The following SEMA3E variants were observed in gnomAD, a reference collection of about 807,000 sequenced individuals.
The protein encoded by SEMA3E is semaphorin-3E.
Under a neutral mutation model 93.6 loss-of-function variants are expected in SEMA3E, and 49 were observed. The observed-to-expected ratio is 0.52, with a 90% CI of 0.42 to 0.66. The LOEUF is 0.66. Among genes scored for constraint, SEMA3E ranks in the 30% least tolerant of loss-of-function variants. The pLI is 0.00. For missense variants in SEMA3E, 906 were observed against 964.8 expected (o/e 0.94, Z 0.81); for synonymous variants, 363 against 330.7 (o/e 1.10, Z -1.06).
chr7:83,621,289 G>T (rs991820224), intron 1 of SEMA3E, among the ~76,000 whole-genome samples: 1 of 152,042 alleles, frequency 6.6e-6, no homozygotes, highest in African/African-American at 2.4e-5. Context: ...AGCTAACAAG[G>T]TATGTGAAGG....
At chr7:83,481,947 C>T (rs926408771) in intron 2 of SEMA3E, among the ~76,000 whole-genome samples, 3 of 151,984 alleles carry the variant, frequency 2.0e-5, no homozygotes, top group African/African-American at 7.2e-5. Flanking sequence ...TAGTTAATAC[C>T]CCAGCATTTC....
chr7:83,593,280 CTCTCTGTGTGTGTGTG>C (rs1464717327), intron 1 of SEMA3E, among the ~76,000 whole-genome samples: 10 of 109,196 alleles, frequency 9.2e-5, no homozygotes, highest in African/African-American at 3.9e-4. Context: ...CTCTCTCTCT[CTCTCTGTGTGTGTGTG>C]TGTGTGTGTG....
intron 1 of SEMA3E, among the ~76,000 whole-genome samples, chr7:83,513,265 G>A (rs190015607): frequency 1.3e-5 from 2 of 152,136 alleles, no homozygotes; most frequent in East Asian, 1.9e-4. Context: ...CAAGGCTGTG[G>A]CCTCTGCAAC....
chr7:83,620,577 A>G (rs901876712), intron 1 of SEMA3E, among the ~76,000 whole-genome samples: 1 of 152,186 alleles, frequency 6.6e-6, no homozygotes, highest in African/African-American at 2.4e-5. Context: ...TCCCTGATGA[A>G]TATGGATACA....
chr7:83,432,155 C>T (rs1303120421), intron 4 of SEMA3E, among the ~76,000 whole-genome samples: 2 of 152,114 alleles, frequency 1.3e-5, no homozygotes, highest in African/African-American at 4.8e-5. Flanking sequence ...ATATTCTCAG[C>T]TGAAGCCCTA....
chr7:83,628,586 C>T (rs10227129), intron 1 of SEMA3E, among the ~76,000 whole-genome samples: 2,491 of 151,470 alleles, frequency 0.016, 63 homozygotes, highest in African/African-American at 0.056. Flanking sequence ...GCCATTGATA[C>T]TTGTGTATGT....
intron 1 of SEMA3E, among the ~76,000 whole-genome samples, chr7:83,543,324 T>C (rs1791577820): frequency 6.6e-6 from 1 of 151,802 alleles, no homozygotes; most frequent in Non-Finnish European, 1.5e-5. Flanking sequence ...TAACATGTTG[T>C]TCCAAAAGCA....
rs1045081539 is a variant in SEMA3E, at chr7:83,448,473, C to T, written c.456+18009G>A. ...GCTACAGTGAGCTATGATTTTGCCA[C>T]TATATTGAAGTCTGGGCAACAGAGT... On this transcript the variant is annotated intron_variant, in intron 4 of 16. Coordinates refer to ENST00000643230, the MANE Select transcript of SEMA3E (RefSeq NM_012431.3). 7.2e-5 allele frequency among the ~76,000 whole-genome samples: 11 copies of T among 152,040 alleles called. No individual in the cohort carries two copies. In the East Asian group the frequency reaches 2.1e-3, roughly 29 times the overall value.
intron 4 of SEMA3E, among the ~76,000 whole-genome samples, chr7:83,443,915 TGATATA>T (rs1789172194): frequency 3.1e-5 from 1 of 32,170 alleles, no homozygotes; most frequent in Non-Finnish European, 5.5e-5. Flanking sequence ...AATAATGACC[TGATATA>T]TATATATATA....
chr7:83,364,051 C>T lies in SEMA3E; in HGVS notation c.*3535G>A, dbSNP rs990076390. The T allele has an allele frequency of 4.0e-5, 6 of 150,596 alleles. No homozygotes were observed. Among genetic ancestry groups the T allele is most frequent in the Admixed American group, 6.6e-5 (1 of 15,074 alleles). 9.3% of individuals were successfully genotyped at this position (150,596 alleles called of 1,614,324 possible). On this transcript the variant is annotated 3_prime_UTR_variant, in exon 17 of 17. Coordinates refer to ENST00000643230, the MANE Select transcript of SEMA3E (RefSeq NM_012431.3). ...CTGGGACTACAGGCGCCCGCCACCG[C>T]GCCCGGCTAATTTTTTGTATTTTTA...
At chr7:83,549,392 G>T (rs1306864113) in intron 1 of SEMA3E, among the ~76,000 whole-genome samples, 1 of 152,058 alleles carries the variant, frequency 6.6e-6, no homozygotes, top group African/African-American at 2.4e-5. Flanking sequence ...CCATCTATTA[G>T]TCTGATTATC....
chr7:83,639,136 A>C (rs867496149), intron 1 of SEMA3E, among the ~76,000 whole-genome samples: 36 of 132,138 alleles, frequency 2.7e-4, no homozygotes, highest in African/African-American at 1.0e-3. Context: ...AAAAAAAAAA[A>C]AAAACAGAGA....
intron 1 of SEMA3E, among the ~76,000 whole-genome samples, chr7:83,553,899 C>T (rs577789748): frequency 2.1e-4 from 32 of 152,098 alleles, no homozygotes; most frequent in African/African-American, 6.5e-4. Context: ...AGTTGAGAGG[C>T]TAGTACTATG....
intron 5 of SEMA3E, among the ~76,000 whole-genome samples, chr7:83,412,981 T>A (rs1486014832): frequency 6.6e-6 from 1 of 152,140 alleles, no homozygotes; most frequent in Non-Finnish European, 1.5e-5. Context: ...CAAAGGACAT[T>A]ATATTGTGAT....
intron 4 of SEMA3E, among the ~76,000 whole-genome samples, chr7:83,436,474 T>C (rs1257892912): frequency 1.3e-5 from 2 of 151,718 alleles, no homozygotes; most frequent in African/African-American, 4.8e-5. Flanking sequence ...TTGTTAAATA[T>C]ATATACATAC....
At chr7:83,597,159 T>C (rs1792892885) in intron 1 of SEMA3E, among the ~76,000 whole-genome samples, 1 of 152,104 alleles carries the variant, frequency 6.6e-6, no homozygotes, top group South Asian at 2.1e-4. Flanking sequence ...AAGGGACATA[T>C]CCACATAAGT....
intron 1 of SEMA3E, among the ~76,000 whole-genome samples, chr7:83,505,490 T>G (rs952558184): frequency 7.2e-5 from 11 of 152,158 alleles, no homozygotes; most frequent in Non-Finnish European, 4.4e-5. Flanking sequence ...GAAAACTATT[T>G]TTTAAATTTA....
chr7:83,554,481 G>A (rs1018246579), intron 1 of SEMA3E, among the ~76,000 whole-genome samples: 3 of 152,066 alleles, frequency 2.0e-5, no homozygotes, highest in African/African-American at 4.8e-5. Context: ...CTTTCTGACC[G>A]TTCTAGAGAT....
At chr7:83,640,597 A>G (rs1263673179) in intron 1 of SEMA3E, among the ~76,000 whole-genome samples, 2 of 152,206 alleles carry the variant, frequency 1.3e-5, no homozygotes, top group Admixed American at 1.3e-4. Context: ...AATTTTCAAT[A>G]CCTAGTAAGT....
Sources: gnomAD v4.1 joint callset for allele counts (sites outside exome capture counted in the v4.1 genomes callset) on GRCh38, gnomAD v4.1.1 for gene constraint, MANE v1.5 for transcripts, NCBI Gene and HGNC (gene_info 2026-07-23, HGNC 2026-07-21) for gene names.